Variants in DNM3 observed in about 807,000 individuals in gnomAD.
DNM3 encodes the protein dynamin-3.
Under a neutral mutation model 101.6 loss-of-function variants are expected in DNM3, and 47 were observed. That is an observed-to-expected ratio of 0.46 (90% CI 0.37 to 0.59). DNM3 has a LOEUF of 0.59. Ranked by LOEUF, DNM3 falls within the 20% of genes least tolerant of loss-of-function variation. The probability of loss-of-function intolerance (pLI) is 0.00; values close to 1 mark genes in which losing one functional copy is unlikely to be tolerated. For synonymous variants in DNM3, 385 were observed against 387.9 expected, an observed-to-expected ratio of 0.99 and a Z score of 0.09; for missense variants, 849 against 1,085.7, an observed-to-expected ratio of 0.78 and a Z score of 3.06.
chr1:172,163,956 TACACACACACACAC>T (rs10536417), intron 14 of DNM3, among the ~76,000 whole-genome samples: 5 of 147,330 alleles, frequency 3.4e-5, no homozygotes, highest in South Asian at 2.2e-4. Context: ...TACATATATA[TACACACACACACAC>T]ACACACACAC....
intron 15 of DNM3, among the ~76,000 whole-genome samples, chr1:172,260,096 A>G (rs560655585): frequency 3.8e-4 from 58 of 152,214 alleles, no homozygotes; most frequent in African/African-American, 1.3e-3. Context: ...TTTGCTGGGC[A>G]TAATATTTTT....
intron 17 of DNM3, among the ~76,000 whole-genome samples, chr1:172,348,872 A>T (rs921550210): frequency 6.6e-6 from 1 of 152,198 alleles, no homozygotes; most frequent in African/African-American, 2.4e-5. Context: ...AGATTACATG[A>T]TTTACCCAAT....
intron 17 of DNM3, among the ~76,000 whole-genome samples, chr1:172,339,689 A>ATCC (rs2066603816): frequency 6.6e-6 from 1 of 152,116 alleles, no homozygotes; most frequent in Non-Finnish European, 1.5e-5. Flanking sequence ...TCTTTCATAT[A>ATCC]TCCTCCCTGC....
chr1:172,051,582 A>T (rs2050206824), intron 10 of DNM3, among the ~76,000 whole-genome samples: 2 of 152,172 alleles, frequency 1.3e-5, no homozygotes, highest in Non-Finnish European at 2.9e-5. Context: ...AATGCTGATC[A>T]CCCCCTTCAT....
At chr1:171,958,742 T>C (rs76603037) in intron 2 of DNM3, among the ~76,000 whole-genome samples, 2,661 of 152,248 alleles carry the variant, frequency 0.017, 43 homozygotes, top group Non-Finnish European at 0.027. Context: ...GCCTTGGTGA[T>C]AGTGATTTGG....
chr1:172,412,069 A>T lies in DNM3; in HGVS notation c.*4228A>T, dbSNP rs1335950450. The T allele has an allele frequency of 2.0e-6, 2 of 985,462 alleles. No individual in the cohort carries two copies. 61.0% of individuals were successfully genotyped at this position (985,462 alleles called of 1,614,324 possible). A position where few individuals can be genotyped will look rare whatever the true frequency, so the allele number is the denominator to read the frequency against. On this transcript the variant is annotated 3_prime_UTR_variant, in exon 21 of 21. Coordinates refer to ENST00000627582, the MANE Select transcript of DNM3 (RefSeq NM_015569.5). Reference sequence around the variant, plus strand: ...TGTGTGTGTGTGTGTCTTTGTATATATGTAAGAATGTGTGTATGTGTGAGA... The same window carrying T: ...TGTGTGTGTGTGTGTCTTTGTATATTTGTAAGAATGTGTGTATGTGTGAGA...
intron 2 of DNM3, among the ~76,000 whole-genome samples, chr1:171,925,519 C>A (rs916401591): frequency 6.6e-6 from 1 of 151,850 alleles, no homozygotes; most frequent in African/African-American, 2.4e-5. Flanking sequence ...TGTGAGCCAC[C>A]GTGCCTGGCC....
At chr1:171,867,475 G>A (rs1381749784) in intron 1 of DNM3, among the ~76,000 whole-genome samples, 2 of 152,176 alleles carry the variant, frequency 1.3e-5, no homozygotes, top group Non-Finnish European at 2.9e-5. Context: ...TGATTCTTCT[G>A]CTAATAGCCA....
intron 10 of DNM3, among the ~76,000 whole-genome samples, chr1:172,052,088 C>T (rs572100831): frequency 1.3e-5 from 2 of 152,120 alleles, no homozygotes; most frequent in Non-Finnish European, 2.9e-5. Flanking sequence ...TCTCTTCAAG[C>T]GACCTGACTC....
chr1:171,863,606 A>G (rs930886705), intron 1 of DNM3, among the ~76,000 whole-genome samples: 1 of 152,178 alleles, frequency 6.6e-6, no homozygotes, highest in African/African-American at 2.4e-5. Context: ...GCTTCTAAGC[A>G]TGCTGTAGAG....
intron 14 of DNM3, among the ~76,000 whole-genome samples, chr1:172,217,344 G>T (rs1313041359): frequency 2.0e-5 from 3 of 152,094 alleles, no homozygotes; most frequent in Admixed American, 6.6e-5. Flanking sequence ...AAAACAACAT[G>T]GTTCGTGGAA....
At chr1:172,322,986 A>T (rs1021805569) in intron 16 of DNM3, among the ~76,000 whole-genome samples, 1 of 152,148 alleles carries the variant, frequency 6.6e-6, no homozygotes, top group Non-Finnish European at 1.5e-5. Flanking sequence ...CAGTTCACTT[A>T]TTACTGATTC....
At chr1:172,244,310 A>G (rs548402329) in intron 14 of DNM3, among the ~76,000 whole-genome samples, 2 of 151,948 alleles carry the variant, frequency 1.3e-5, no homozygotes, top group Non-Finnish European at 2.9e-5. Flanking sequence ...ATCGTGAATA[A>G]TGCCGCAATA....
At chr1:171,872,236 T>C (rs2035361159) in intron 1 of DNM3, among the ~76,000 whole-genome samples, 1 of 152,200 alleles carries the variant, frequency 6.6e-6, no homozygotes, top group Non-Finnish European at 1.5e-5. Flanking sequence ...GAAATGACTC[T>C]CAAATCCTAT....
At chr1:171,927,640 T>A (rs1468130215) in intron 2 of DNM3, among the ~76,000 whole-genome samples, 1 of 152,102 alleles carries the variant, frequency 6.6e-6, no homozygotes, top group African/African-American at 2.4e-5. Context: ...AGATTAGATT[T>A]AAAAAAATAT....
intron 1 of DNM3, among the ~76,000 whole-genome samples, chr1:171,850,770 T>G (rs1015619804): frequency 2.2e-4 from 34 of 151,924 alleles, no homozygotes; most frequent in Admixed American, 8.5e-4. Flanking sequence ...GGGCTTTGTT[T>G]TTTTTTTTTT....
chr1:172,075,316 A>G (rs545859799), intron 11 of DNM3, among the ~76,000 whole-genome samples: 5 of 152,188 alleles, frequency 3.3e-5, no homozygotes, highest in African/African-American at 9.6e-5. Context: ...CTTTAGTTTA[A>G]TTAGATCCCA....
At chr1:172,367,941 A>G (rs12120829) in intron 17 of DNM3, among the ~76,000 whole-genome samples, 4,585 of 151,922 alleles carry the variant, frequency 0.03, 113 homozygotes, top group South Asian at 0.14. Flanking sequence ...GTAAATTCTT[A>G]CAAGATCTGA....
At chr1:172,172,339 A>G (rs1317155002) in intron 14 of DNM3, among the ~76,000 whole-genome samples, 1 of 151,626 alleles carries the variant, frequency 6.6e-6, no homozygotes, top group Non-Finnish European at 1.5e-5. Flanking sequence ...ACTGAATCCT[A>G]TGCATACTAT....
Sources: allele counts gnomAD v4.1 joint callset (sites outside exome capture counted in the v4.1 genomes callset), GRCh38; gene constraint gnomAD v4.1.1; transcripts MANE v1.5; gene names NCBI Gene and HGNC (gene_info 2026-07-23, HGNC 2026-07-21).